PPFIBP1: variants seen among roughly 807,000 people sequenced by gnomAD.
PPFIBP1 encodes the protein liprin-beta-1.
Under a neutral mutation model 137.8 loss-of-function variants are expected in PPFIBP1, and 112 were observed. That is an observed-to-expected ratio of 0.81 (90% CI 0.70 to 0.95). PPFIBP1 has a LOEUF of 0.95. Ranked by LOEUF, PPFIBP1 falls within the 40% of genes least tolerant of loss-of-function variation. PPFIBP1 has a pLI of 0.00. For synonymous variants in PPFIBP1, 378 were observed against 417.3 expected (o/e 0.91, Z 1.15); for missense variants, 1,083 against 1,196.6 (o/e 0.91, Z 1.40).
chr12:27,611,793 TCTC>T (rs2055145010), intron 2 of PPFIBP1, among the ~76,000 whole-genome samples: 4 of 151,338 alleles, frequency 2.6e-5, no homozygotes, highest in East Asian at 1.9e-4. Context: ...GTGCTCTCTC[TCTC>T]TCTCTCTCTC....
chr12:27,567,965 C>T (rs1034459353), intron 1 of PPFIBP1, among the ~76,000 whole-genome samples: 1 of 152,184 alleles, frequency 6.6e-6, no homozygotes, highest in Non-Finnish European at 1.5e-5. Context: ...CTCCTGGGCT[C>T]AAGCAATCCT....
At chr12:27,692,033 TA>T in intron 28 of PPFIBP1, 105 bp downstream of exon 28, 1 of 982,942 alleles carries the variant, frequency 1.0e-6, no homozygotes, top group African/African-American at 1.6e-5. Flanking sequence ...TTCAAATAAC[TA>T]AAAATACAGA....
At chr12:27,581,485 C>T (rs973549327) in intron 2 of PPFIBP1, among the ~76,000 whole-genome samples, 3 of 152,204 alleles carry the variant, frequency 2.0e-5, no homozygotes, top group African/African-American at 7.2e-5. Flanking sequence ...ATCATCACTC[C>T]ACCCTGTAGT....
intron 3 of PPFIBP1, among the ~76,000 whole-genome samples, chr12:27,634,115 G>A (rs1401928289): frequency 3.4e-5 from 5 of 149,132 alleles, no homozygotes; most frequent in Admixed American, 2.0e-4. Flanking sequence ...GATTACAGGC[G>A]TGAGCCACCG....
chr12:27,642,548 G>A (rs1346241212), intron 4 of PPFIBP1, among the ~76,000 whole-genome samples: 2 of 152,172 alleles, frequency 1.3e-5, no homozygotes, highest in Non-Finnish European at 1.5e-5. Flanking sequence ...AAAATTATTA[G>A]TCATCTACCT....
chr12:27,685,978 C>A (rs1056200877), intron 24 of PPFIBP1, among the ~76,000 whole-genome samples: 4 of 152,042 alleles, frequency 2.6e-5, no homozygotes, highest in East Asian at 1.9e-4. Context: ...TAAAGAATTT[C>A]AAAAATAATT....
chr12:27,606,594 G>A (rs756098960), intron 2 of PPFIBP1, among the ~76,000 whole-genome samples: 37 of 152,150 alleles, frequency 2.4e-4, no homozygotes, highest in Non-Finnish European at 4.6e-4. Context: ...GGATATCTTC[G>A]AAATGGTTTT....
chr12:27,623,858 G>A (rs1423953553), intron 2 of PPFIBP1, among the ~76,000 whole-genome samples: 2 of 152,132 alleles, frequency 1.3e-5, no homozygotes, highest in African/African-American at 4.8e-5. Flanking sequence ...TGTTTGCGGA[G>A]CCACTGAGTC....
intron 24 of PPFIBP1, among the ~76,000 whole-genome samples, chr12:27,686,774 C>T (rs918713429): frequency 6.6e-6 from 1 of 152,042 alleles, no homozygotes; most frequent in Non-Finnish European, 1.5e-5. Flanking sequence ...CGGTGCCTCA[C>T]GCCTGTAATC....
intron 1 of PPFIBP1, among the ~76,000 whole-genome samples, chr12:27,528,567 C>T (rs1413108297): frequency 6.6e-6 from 1 of 152,106 alleles, no homozygotes; most frequent in Non-Finnish European, 1.5e-5. Flanking sequence ...TTATTCCACC[C>T]TACAAAATAC....
intron 14 of PPFIBP1, 24 bp downstream of exon 14, chr12:27,671,570 A>T: frequency 7.2e-7 from 1 of 1,394,132 alleles, no homozygotes; most frequent in African/African-American, 1.5e-5. Context: ...TAACAGTGCA[A>T]TATAAATGTT....
At chr12:27,691,088 T>A (rs1010095) in intron 27 of PPFIBP1, among the ~76,000 whole-genome samples, 1 of 148,040 alleles carries the variant, frequency 6.8e-6, no homozygotes, top group Non-Finnish European at 1.5e-5. Context: ...GTATCACTGA[T>A]GTTTCCTCTC....
chr12:27,639,862 G>A (rs2057984029), intron 4 of PPFIBP1, among the ~76,000 whole-genome samples: 1 of 152,148 alleles, frequency 6.6e-6, no homozygotes, highest in Non-Finnish European at 1.5e-5. Flanking sequence ...AGGGCTGCTG[G>A]CTGTTCTTCC....
intron 1 of PPFIBP1, among the ~76,000 whole-genome samples, chr12:27,536,190 A>G (rs56831703): frequency 0.17 from 25,257 of 152,102 alleles, 2,355 homozygotes; most frequent in Middle Eastern, 0.26. Flanking sequence ...ACGCACCAGG[A>G]GTTCACGGGA....
intron 4 of PPFIBP1, chr12:27,636,049 A>T (rs889534990): frequency 6.6e-6 from 1 of 152,356 alleles, no homozygotes; most frequent in African/African-American, 2.4e-5. Context: ...GATCTACTTT[A>T]TGATCTGTGG....
At chr12:27,657,659 T>G (rs995117950) in intron 9 of PPFIBP1, among the ~76,000 whole-genome samples, 1 of 152,130 alleles carries the variant, frequency 6.6e-6, no homozygotes, top group East Asian at 1.9e-4. Context: ...CAATTCCCTG[T>G]CCGTCAGAAA....
At chr12:27,670,639 G>C (rs1220327956) in intron 13 of PPFIBP1, among the ~76,000 whole-genome samples, 1 of 152,052 alleles carries the variant, frequency 6.6e-6, no homozygotes, top group Non-Finnish European at 1.5e-5. Flanking sequence ...TTAGCCAGCT[G>C]TGGTGGCGCA....
intron 1 of PPFIBP1, among the ~76,000 whole-genome samples, chr12:27,526,473 AAGGT>A (rs34642429): frequency 0.091 from 13,884 of 152,218 alleles, 896 homozygotes; most frequent in East Asian, 0.27. Context: ...GTTATTGAGA[AAGGT>A]AGGATCAGTT....
In PPFIBP1 at chr12:27,679,542, C is replaced by T. The variant is rs773435463; in HGVS notation, c.1669C>T (p.Arg557Trp). ...CCTAGATCTGGCTGGTGCTTCTTCT[C>T]GGCCAAAAGATTCACAGAGGAACAG... ...EHLDLAGASS[R>W]PKDSQRNSPF... The change falls in exon 20 of 30, where the codon CGG becomes TGG. Residue 557 changes from arginine (R) to tryptophan (W), a missense_variant. Arg to Trp is a moderately radical substitution (Grantham distance 101). Coordinates refer to ENST00000228425, the MANE Select transcript of PPFIBP1 (RefSeq NM_003622.4). The T allele has an allele frequency of 2.9e-5, 46 of 1,613,846 alleles. No homozygotes were observed. Among genetic ancestry groups the T allele is most frequent in the East Asian group, 6.7e-5 (3 of 44,896 alleles).
Sources: gnomAD v4.1 joint callset for allele counts (sites outside exome capture counted in the v4.1 genomes callset) on GRCh38, gnomAD v4.1.1 for gene constraint, MANE v1.5 for transcripts, NCBI Gene and HGNC (gene_info 2026-07-23, HGNC 2026-07-21) for gene names.